SUCLG2: variants seen among roughly 807,000 people sequenced by gnomAD.
SUCLG2 encodes the protein succinate-CoA ligase GDP-forming subunit beta, also known as succinate--CoA ligase [GDP-forming] subunit beta, mitochondrial.
Under a neutral mutation model 47.9 loss-of-function variants are expected in SUCLG2, and 42 were observed. The observed-to-expected ratio is 0.88, with a 90% CI of 0.69 to 1.14. SUCLG2 has a LOEUF of 1.14. SUCLG2 is among the 50% of genes most tolerant of loss of function. The probability of loss-of-function intolerance (pLI) is 0.00; values close to 1 mark genes in which losing one functional copy is unlikely to be tolerated. For synonymous variants in SUCLG2, 195 were observed against 197.3 expected (o/e 0.99, Z 0.10); for missense variants, 571 against 525.9 (o/e 1.09, Z -0.84).
In SUCLG2 at chr3:67,476,300, C is replaced by A. The variant is rs140698366; in HGVS notation, c.1062+19498G>T. On this transcript the variant is annotated intron_variant, in intron 9 of 10. Coordinates refer to ENST00000307227, the MANE Select transcript of SUCLG2 (RefSeq NM_003848.4). ...CTGCTCCCCATGGCTCGCATTACCA[C>A]CTGAATTCTGCCTCCTGTCCGATCA... Among the ~76,000 whole-genome samples, 1,058 of 152,114 alleles carry A rather than the reference C, an allele frequency of 7.0e-3. 5 individuals are homozygous for A. The highest frequency in any genetic ancestry group is 0.011 in the Non-Finnish European group (775 of 68,000).
intron 2 of SUCLG2, among the ~76,000 whole-genome samples, chr3:67,542,200 T>C (rs562435422): frequency 3.9e-5 from 6 of 152,274 alleles, no homozygotes; most frequent in Non-Finnish European, 7.4e-5. Context: ...AAAAGAATTT[T>C]CAACCCAGAA....
intron 9 of SUCLG2, among the ~76,000 whole-genome samples, chr3:67,486,734 T>C (rs1230997410): frequency 6.6e-6 from 1 of 152,012 alleles, no homozygotes; most frequent in African/African-American, 2.4e-5. Context: ...AACAGTGAAA[T>C]CATACACACA....
intron 8 of SUCLG2, among the ~76,000 whole-genome samples, chr3:67,496,670 C>G (rs996372479): frequency 6.6e-6 from 1 of 152,036 alleles, no homozygotes; most frequent in Non-Finnish European, 1.5e-5. Context: ...ATCTTAGGAG[C>G]CTTTCTTAAG....
downstream of SUCLG2, among the ~76,000 whole-genome samples, chr3:67,372,611 G>C (rs974891151): frequency 1.3e-5 from 2 of 152,156 alleles, no homozygotes; most frequent in Admixed American, 1.3e-4. Context: ...AGTCCTTGTG[G>C]TGATGGAAAG....
chr3:67,568,390 T>G (rs1402375575), intron 2 of SUCLG2, among the ~76,000 whole-genome samples: 1 of 152,168 alleles, frequency 6.6e-6, no homozygotes, highest in African/African-American at 2.4e-5. Context: ...GATTCTTTGA[T>G]CCTATGTAAG....
intron 10 of SUCLG2, among the ~76,000 whole-genome samples, chr3:67,367,277 T>C (rs1009092883): frequency 9.2e-5 from 14 of 152,172 alleles, no homozygotes; most frequent in African/African-American, 3.4e-4. Flanking sequence ...CATATTTTTT[T>C]GCAGTTTAAT....
intron 5 of SUCLG2, among the ~76,000 whole-genome samples, chr3:67,519,243 T>A (rs1045340713): frequency 6.6e-6 from 1 of 152,180 alleles, no homozygotes; most frequent in Non-Finnish European, 1.5e-5. Context: ...TGTGTAAGTG[T>A]GCTCTGCAAT....
chr3:67,435,680 A>G (rs1703602294), intron 9 of SUCLG2, among the ~76,000 whole-genome samples: 1 of 152,208 alleles, frequency 6.6e-6, no homozygotes, highest in South Asian at 2.1e-4. Flanking sequence ...AGTAAAGAAA[A>G]TATTTTTTAG....
chr3:67,580,678 C>T (rs1418102189), intron 2 of SUCLG2, among the ~76,000 whole-genome samples: 1 of 152,126 alleles, frequency 6.6e-6, no homozygotes, highest in Non-Finnish European at 1.5e-5. Context: ...CGAACGTTAC[C>T]TATGGGTCAT....
At chr3:67,388,240 G>A (rs1702301784) in intron 10 of SUCLG2, among the ~76,000 whole-genome samples, 2 of 152,164 alleles carry the variant, frequency 1.3e-5, no homozygotes, top group African/African-American at 4.8e-5. Context: ...ACCCTTCTTA[G>A]CCACTACCCT....
intron 1 of SUCLG2, 147 bp downstream of exon 1, chr3:67,654,355 TG>T: frequency 1.7e-6 from 1 of 573,596 alleles, no homozygotes; most frequent in Non-Finnish European, 2.6e-6. Context: ...CTGCTGCGCC[TG>T]GACCCGGCGC....
intron 6 of SUCLG2, among the ~76,000 whole-genome samples, chr3:67,511,521 G>A (rs1422691462): frequency 1.3e-5 from 2 of 152,064 alleles, no homozygotes; most frequent in Non-Finnish European, 2.9e-5. Flanking sequence ...AAGCTCTCTT[G>A]CCTGCCACCA....
intron 9 of SUCLG2, among the ~76,000 whole-genome samples, chr3:67,415,265 G>A (rs1386273060): frequency 6.6e-6 from 1 of 152,176 alleles, no homozygotes; most frequent in East Asian, 1.9e-4. Context: ...AAGAAACCAA[G>A]CAAGTTTGGA....
chr3:67,581,848 A>G (rs1575794314), intron 2 of SUCLG2, among the ~76,000 whole-genome samples: 1 of 152,354 alleles, frequency 6.6e-6, no homozygotes, highest in East Asian at 1.9e-4. Flanking sequence ...TCAGTCAGGT[A>G]AGGATGACTT....
chr3:67,498,418 A>C lies in SUCLG2; in HGVS notation c.758-123T>G, dbSNP rs1021474248. On this transcript the variant is annotated intron_variant, in intron 7 of 10. Coordinates refer to ENST00000307227, the MANE Select transcript of SUCLG2 (RefSeq NM_003848.4). ...ACTGTCATTTTTTTTCACATGTTAC[A>C]GGCAGGAGAGGCTGCTTTGGCTTTC... 1.5e-5 allele frequency: 15 copies of C among 1,030,350 alleles called. No homozygotes were observed. In the East Asian group the frequency reaches 3.9e-4, roughly 27 times the overall value. 63.8% of individuals were successfully genotyped at this position (1,030,350 alleles called of 1,614,324 possible). A position where few individuals can be genotyped will look rare whatever the true frequency, so the allele number is the denominator to read the frequency against.
At chr3:67,591,021 G>C (rs1442346978) in intron 2 of SUCLG2, among the ~76,000 whole-genome samples, 5 of 152,094 alleles carry the variant, frequency 3.3e-5, no homozygotes, top group African/African-American at 1.2e-4. Flanking sequence ...CTCCTATTTA[G>C]TCTATTGAAT....
At chr3:67,506,596 G>A (rs1312703346) in intron 7 of SUCLG2, among the ~76,000 whole-genome samples, 3 of 152,084 alleles carry the variant, frequency 2.0e-5, no homozygotes, top group Non-Finnish European at 4.4e-5. Flanking sequence ...TCCCTGAAGC[G>A]AGAACACAGC....
At chr3:67,509,579 T>C (rs781272766) in intron 6 of SUCLG2, among the ~76,000 whole-genome samples, 60 of 152,300 alleles carry the variant, frequency 3.9e-4, no homozygotes, top group Non-Finnish European at 7.4e-4. Context: ...TCAACCAACA[T>C]TTCTCCACTG....
intron 1 of SUCLG2, among the ~76,000 whole-genome samples, chr3:67,617,381 G>A (rs1700649190): frequency 2.0e-5 from 3 of 152,120 alleles, no homozygotes; most frequent in Non-Finnish European, 4.4e-5. Context: ...AGTAATCATC[G>A]GGATTAGAAG....
Sources: gnomAD v4.1 joint callset for allele counts (sites outside exome capture counted in the v4.1 genomes callset) on GRCh38, gnomAD v4.1.1 for gene constraint, MANE v1.5 for transcripts, NCBI Gene and HGNC (gene_info 2026-07-23, HGNC 2026-07-21) for gene names.